CD44: variants seen among roughly 807,000 people sequenced by gnomAD.
CD44 encodes the protein CD44 molecule (IN blood group), also known as CD44 antigen.
Under a neutral mutation model 88.8 loss-of-function variants are expected in CD44, and 49 were observed. The observed-to-expected ratio is 0.55, with a 90% CI of 0.44 to 0.70. The LOEUF (loss-of-function observed/expected upper bound fraction) is 0.70, where lower values mean the gene tolerates loss of function less well. CD44 is among the 30% of genes least tolerant of loss of function. The pLI, the probability that CD44 is intolerant of heterozygous loss-of-function variation, is 0.00. For missense variants in CD44, 883 were observed against 913.8 expected, an observed-to-expected ratio of 0.97 and a Z score of 0.43; for synonymous variants, 325 against 312.3, an observed-to-expected ratio of 1.04 and a Z score of -0.43.
intron 1 of CD44, among the ~76,000 whole-genome samples, chr11:35,160,186 G>T (rs781342162): frequency 6.6e-6 from 1 of 152,180 alleles, no homozygotes; most frequent in Admixed American, 6.5e-5. Context: ...GTTCAAATTG[G>T]CCCAAGATGC....
intron 17 of CD44, 72 bp downstream of exon 17, chr11:35,221,804 C>T (rs1004363227): frequency 3.7e-6 from 5 of 1,347,188 alleles, no homozygotes; most frequent in Non-Finnish European, 5.3e-6. Context: ...ATCCTTGCTG[C>T]TCAGAGCGTA....
intron 6 of CD44, 66 bp from the exon 7 acceptor site, chr11:35,198,054 AT>A (rs968970137): frequency 6.4e-7 from 1 of 1,566,590 alleles, no homozygotes; most frequent in Admixed American, 1.8e-5. Flanking sequence ...TCTGTGCCTG[AT>A]TTTCTTCCTT....
At chr11:35,175,436 ATG>A (rs1487431882) in intron 1 of CD44, among the ~76,000 whole-genome samples, 2 of 152,182 alleles carry the variant, frequency 1.3e-5, no homozygotes, top group South Asian at 2.1e-4. Flanking sequence ...ATGCAAGCAT[ATG>A]TGTGAGTATG....
intron 15 of CD44, among the ~76,000 whole-genome samples, chr11:35,215,726 G>T (rs1273815022): frequency 6.6e-6 from 1 of 151,768 alleles, no homozygotes; most frequent in Non-Finnish European, 1.5e-5. Context: ...ACAAAAATTA[G>T]CCGGGCGTGG....
chr11:35,148,836 T>A (rs2133116914), intron 1 of CD44, among the ~76,000 whole-genome samples: 1 of 152,366 alleles, frequency 6.6e-6, no homozygotes, highest in East Asian at 1.9e-4. Context: ...ACTTATCTTT[T>A]GTGATTTTTA....
chr11:35,204,393 G>A (rs1591247821), intron 9 of CD44, 119 bp from the exon 10 acceptor site: 1 of 857,034 alleles, frequency 1.2e-6, no homozygotes, highest in East Asian at 2.5e-5. Flanking sequence ...TTTCCTTGGT[G>A]CCTTTCTTTT....
chr11:35,172,984 A>G (rs764178090), intron 1 of CD44, among the ~76,000 whole-genome samples: 4 of 152,250 alleles, frequency 2.6e-5, no homozygotes, highest in African/African-American at 9.6e-5. Flanking sequence ...TTGGCTTCTG[A>G]AACTCAAGGG....
At chr11:35,213,929 T>C (rs1316202157) in intron 14 of CD44, 1 of 152,124 alleles carries the variant, frequency 6.6e-6, no homozygotes, top group African/African-American at 2.4e-5. Context: ...CAGGTTACTA[T>C]AGATTCCTTA....
At chr11:35,216,350 T>G (rs771820037) in intron 15 of CD44, among the ~76,000 whole-genome samples, 5 of 152,274 alleles carry the variant, frequency 3.3e-5, no homozygotes, top group South Asian at 2.1e-4. Flanking sequence ...GGTGACCCCA[T>G]GTAAATGATT....
chr11:35,166,674 G>A (rs1354879659), intron 1 of CD44, among the ~76,000 whole-genome samples: 2 of 152,238 alleles, frequency 1.3e-5, no homozygotes, highest in Non-Finnish European at 1.5e-5. Flanking sequence ...AGGGGGTCCA[G>A]CCAGGCGCCA....
At chr11:35,170,920 C>T (rs1943801693) in intron 1 of CD44, among the ~76,000 whole-genome samples, 1 of 152,192 alleles carries the variant, frequency 6.6e-6, no homozygotes, top group South Asian at 2.1e-4. Context: ...AATTCTACTT[C>T]ATTGTGAGTT....
intron 1 of CD44, among the ~76,000 whole-genome samples, chr11:35,167,449 A>C (rs1174715287): frequency 2.6e-5 from 4 of 152,208 alleles, no homozygotes; most frequent in African/African-American, 9.7e-5. Context: ...TTAAAACAAC[A>C]AAACCTTGTC....
chr11:35,147,619 T>TC (rs1859427704), intron 1 of CD44, among the ~76,000 whole-genome samples: 1 of 151,618 alleles, frequency 6.6e-6, no homozygotes, highest in African/African-American at 2.4e-5. Flanking sequence ...CCCCCAACTT[T>TC]TTTTTTTTTC....
intron 1 of CD44, among the ~76,000 whole-genome samples, chr11:35,163,865 C>T (rs538376045): frequency 9.9e-5 from 15 of 152,236 alleles, no homozygotes; most frequent in African/African-American, 3.1e-4. Flanking sequence ...CATGTGGCCC[C>T]TGAGAAAGAA....
rs997843797 is a variant in CD44 at position 35,201,554 on chromosome 11, C to T, written c.1037-117C>T. ...CACTCAAAATTTTTGAGAGTGGATG[C>T]TCAGAGGTAACACTTTGGCATAGAA... is the stretch of plus-strand genomic sequence containing the variant. On this transcript the variant is annotated intron_variant, in intron 8 of 17. Coordinates refer to ENST00000428726, the MANE Select transcript of CD44 (RefSeq NM_000610.4). 1.0e-5 allele frequency: 13 copies of T among 1,292,104 alleles called. No homozygotes were observed. The African/African-American group carries it at 1.6e-4, about 16-fold the overall frequency. The allele number at this position is 1,292,104 out of a possible 1,614,324, so 80.0% of individuals were successfully genotyped here.
chr11:35,202,027 T>C (rs936017098), intron 9 of CD44, among the ~76,000 whole-genome samples: 6 of 152,178 alleles, frequency 3.9e-5, no homozygotes, highest in African/African-American at 1.4e-4. Flanking sequence ...CTAGATACAA[T>C]TTTTGTGTTA....
At chr11:35,195,136 G>A (rs944237931) in intron 5 of CD44, among the ~76,000 whole-genome samples, 1 of 152,204 alleles carries the variant, frequency 6.6e-6, no homozygotes, top group Non-Finnish European at 1.5e-5. Flanking sequence ...ATTGTTACAG[G>A]AGCTTTGGGG....
intron 12 of CD44, among the ~76,000 whole-genome samples, chr11:35,208,511 T>G (rs182131961): frequency 1.8e-3 from 268 of 152,348 alleles, no homozygotes; most frequent in African/African-American, 6.0e-3. Context: ...ACTTCCAGGA[T>G]AGTGATTTCT....
Position 35,232,314 on chromosome 11 carries a change from TG to T in CD44, c.*2982del, listed in dbSNP as rs1187866024. 1 of 152,616 alleles carries T rather than the reference TG, an allele frequency of 6.6e-6. No homozygotes were observed. The highest frequency in any genetic ancestry group is 2.4e-5 in the African/African-American group (1 of 41,436). The allele number at this position is 152,616 out of a possible 1,614,324, so 9.5% of individuals were successfully genotyped here. A position where few individuals can be genotyped will look rare whatever the true frequency, so the allele number is the denominator to read the frequency against. On this transcript the variant is annotated 3_prime_UTR_variant, in exon 18 of 18. Transcript: ENST00000428726. ...ATATTTATTGATGGATCAATAATAATGAGGAAAGCATGATATGTATATTGCT... is the reference window on the plus strand; with the variant it reads ...ATATTTATTGATGGATCAATAATAATAGGAAAGCATGATATGTATATTGCT...
Sources: gnomAD v4.1 joint callset for allele counts (sites outside exome capture counted in the v4.1 genomes callset) on GRCh38, gnomAD v4.1.1 for gene constraint, MANE v1.5 for transcripts, NCBI Gene and HGNC (gene_info 2026-07-23, HGNC 2026-07-21) for gene names.